LOC400499: variants seen among roughly 807,000 people sequenced by gnomAD.
the LOC400499 span, among the ~76,000 whole-genome samples, chr16:11,409,329 G>A: frequency 6.6e-6 from 1 of 152,020 alleles, no homozygotes; most frequent in Non-Finnish European, 1.5e-5. Flanking sequence ...GGGTGTAGAA[G>A]GAAAATATTC....
the LOC400499 span, chr16:11,516,158 G>C: frequency 2.5e-6 from 1 of 399,902 alleles, no homozygotes. Flanking sequence ...AAAGGTCTTG[G>C]GGCTGTGGGC....
chr16:11,500,505 C>A, the LOC400499 span, among the ~76,000 whole-genome samples: 3 of 68,332 alleles, frequency 4.4e-5, no homozygotes, highest in Non-Finnish European at 9.9e-5. Context: ...AGCAAGACTC[C>A]GTCCTAAATA....
At chr16:11,458,768 G>A in the LOC400499 span, among the ~76,000 whole-genome samples, 33 of 152,056 alleles carry the variant, frequency 2.2e-4, no homozygotes, top group Non-Finnish European at 4.3e-4. Flanking sequence ...GGGTGTGGTG[G>A]CTCATGCCTG....
chr16:11,478,307 C>T, the LOC400499 span, among the ~76,000 whole-genome samples: 3 of 150,642 alleles, frequency 2.0e-5, no homozygotes, highest in Non-Finnish European at 3.0e-5. Flanking sequence ...GGATTACAGG[C>T]GTGAGCCACT....
the LOC400499 span, among the ~76,000 whole-genome samples, chr16:11,416,238 T>C: frequency 6.6e-6 from 1 of 151,970 alleles, no homozygotes; most frequent in Admixed American, 6.6e-5. Flanking sequence ...GCATGAGCCA[T>C]TGCACCCGGC....
At chr16:11,453,852 G>A in the LOC400499 span, among the ~76,000 whole-genome samples, 1 of 152,218 alleles carries the variant, frequency 6.6e-6, no homozygotes, top group African/African-American at 2.4e-5. Context: ...AAGAGAAACA[G>A]AGAAAACATT....
the LOC400499 span, among the ~76,000 whole-genome samples, chr16:11,470,891 A>G: frequency 6.6e-6 from 1 of 151,944 alleles, no homozygotes; most frequent in Non-Finnish European, 1.5e-5. Flanking sequence ...CCCGGGGAAG[A>G]GTGTTCCTGG....
the LOC400499 span, chr16:11,399,392 T>A: frequency 1.7e-6 from 1 of 582,198 alleles, no homozygotes; most frequent in Non-Finnish European, 2.5e-6. Flanking sequence ...CAGGACCACG[T>A]GGCCCCAGAG....
the LOC400499 span, among the ~76,000 whole-genome samples, chr16:11,503,298 G>C: frequency 6.6e-6 from 1 of 152,132 alleles, no homozygotes; most frequent in African/African-American, 2.4e-5. Context: ...GGGGTGCAGA[G>C]GGCCCAAAAC....
chr16:11,444,010 GTTTTT>G, the LOC400499 span, among the ~76,000 whole-genome samples: 1 of 148,520 alleles, frequency 6.7e-6, no homozygotes, highest in Non-Finnish European at 1.5e-5. Flanking sequence ...AATTTTTATA[GTTTTT>G]TTTTTAGTAG....
the LOC400499 span, among the ~76,000 whole-genome samples, chr16:11,420,958 G>A: frequency 6.6e-6 from 1 of 152,226 alleles, no homozygotes; most frequent in Admixed American, 6.5e-5. Context: ...TGGGATGACA[G>A]CACAGGGCCC....
At chr16:11,478,244 T>A in the LOC400499 span, among the ~76,000 whole-genome samples, 1 of 147,956 alleles carries the variant, frequency 6.8e-6, no homozygotes, top group African/African-American at 2.5e-5. Flanking sequence ...GCCAGGCTGG[T>A]CTCAAACTCC....
At chr16:11,495,103 G>A in the LOC400499 span, among the ~76,000 whole-genome samples, 1 of 152,000 alleles carries the variant, frequency 6.6e-6, no homozygotes. Flanking sequence ...CAACTACTCG[G>A]GAGGCTAAGG....
At chr16:11,425,156 C>T in the LOC400499 span, 45 of 398,870 alleles carry the variant, frequency 1.1e-4, no homozygotes, top group Admixed American at 2.2e-4. Flanking sequence ...TATTGTGTGT[C>T]GGGCCACCCG....
At chr16:11,473,451 G>C in the LOC400499 span, among the ~76,000 whole-genome samples, 1 of 151,976 alleles carries the variant, frequency 6.6e-6, no homozygotes, top group South Asian at 2.1e-4. Flanking sequence ...GCTTACACTT[G>C]GCATTATTAT....
the LOC400499 span, chr16:11,423,969 G>A: frequency 2.8e-5 from 11 of 397,886 alleles, no homozygotes; most frequent in Admixed American, 8.8e-5. Flanking sequence ...AGGGCTGCGC[G>A]GAGCTGCTCG....
At chr16:11,403,087 C>T in the LOC400499 span, among the ~76,000 whole-genome samples, 403 of 152,174 alleles carry the variant, frequency 2.6e-3, 2 homozygotes, top group Non-Finnish European at 4.8e-3. Context: ...CCTCCGACAT[C>T]ACTTGACCCC....
chr16:11,441,309 T>C, the LOC400499 span, among the ~76,000 whole-genome samples: 1 of 152,224 alleles, frequency 6.6e-6, no homozygotes, highest in South Asian at 2.1e-4. Flanking sequence ...GGAACAAATG[T>C]GAATGTGTCT....
the LOC400499 span, among the ~76,000 whole-genome samples, chr16:11,437,491 G>A: frequency 6.6e-6 from 1 of 152,292 alleles, no homozygotes; most frequent in South Asian, 2.1e-4. Context: ...CCTGGGTGGT[G>A]GAGGCTGCAG....
Sources: allele counts gnomAD v4.1 joint callset (sites outside exome capture counted in the v4.1 genomes callset), GRCh38; gene constraint gnomAD v4.1.1; transcripts MANE v1.5.